The following FOXN4 variants were observed in gnomAD, a reference collection of about 807,000 sequenced individuals.
FOXN4 encodes forkhead box N4.
FOXN4 carries 12 observed loss-of-function variants against 45.0 expected under a neutral mutation model. That is an observed-to-expected ratio of 0.27 (90% CI 0.17 to 0.43). The LOEUF (loss-of-function observed/expected upper bound fraction) is 0.43. Among genes scored for constraint, FOXN4 ranks in the 20% least tolerant of loss-of-function variants. The pLI is 1.00. For missense variants in FOXN4, 560 were observed against 694.9 expected (o/e 0.81, Z 2.18); for synonymous variants, 297 against 295.0 (o/e 1.01, Z -0.07).
In FOXN4 at chr12:109,279,752, C is replaced by A; in HGVS notation, c.1473G>T (p.Pro491=). The change falls in exon 10 of 10, where the codon CCG becomes CCT. Residue 491 remains proline, a synonymous_variant. Transcript: ENST00000299162. The part of the protein sequence containing the change: ...VTGLYTAYST[P]DSVAASGTSS... ...TGGTGCCCGATGCAGCCACACTGTC[C>A]GGAGTGGAGTACGCTGTGTAGAGAC... 6.3e-7 allele frequency: 1 copy of A among 1,590,334 alleles called. No homozygotes were observed. The highest frequency in any genetic ancestry group is 1.3e-5 in the African/African-American group (1 of 74,546).
In FOXN4 at chr12:109,291,628, T is replaced by C. The variant is rs921170873; in HGVS notation, c.87-1342A>G. Reference sequence around the variant, plus strand: ...CCTCCCCATCTCTCCCCTCTTGTGTTTTAGGGCCACAATTAGCGTTGCCAT... The same window carrying C: ...CCTCCCCATCTCTCCCCTCTTGTGTCTTAGGGCCACAATTAGCGTTGCCAT... On this transcript the variant is annotated intron_variant, in intron 2 of 9. Transcript: ENST00000299162. This position sits in a 1 kb window ranked among gnomAD's most constrained non-coding sequence, Gnocchi z 6.6. Among the ~76,000 whole-genome samples the C allele has an allele frequency of 6.6e-6, 1 of 152,120 alleles. No homozygotes were observed. Among genetic ancestry groups the C allele is most frequent in the African/African-American group, 2.4e-5 (1 of 41,532 alleles).
rs546890729 is a variant in FOXN4 at position 109,280,552 on chromosome 12, T to C, written c.1295-622A>G. On this transcript the variant is annotated intron_variant, in intron 9 of 9. Coordinates refer to ENST00000299162, the MANE Select transcript of FOXN4 (RefSeq NM_213596.3). ...AAGCATTTAGTTCTCATGGTATCAT[T>C]ATGGTCAAAGCCAGGGGGACAAGAC... 2.6e-5 allele frequency among the ~76,000 whole-genome samples: 4 copies of C among 152,264 alleles called. No individual in the cohort carries two copies. In the South Asian group the frequency reaches 8.3e-4, roughly 32 times the overall value.
At chr12:109,303,654 G>A (rs537757525) in intron 2 of FOXN4, among the ~76,000 whole-genome samples, 1 of 152,304 alleles carries the variant, frequency 6.6e-6, no homozygotes, top group East Asian at 1.9e-4. Context: ...ACTGAGCCTT[G>A]TGGCCCTGGG....
rs1287544986 is a variant in FOXN4, at chr12:109,279,685, T to C, written c.1540A>G (p.Ile514Val). The change falls in exon 10 of 10, where the codon ATA becomes GTA. Residue 514 changes from isoleucine (I) to valine (V), a missense_variant. Around this residue, in one of 5 missense-constraint regions of FOXN4, gnomAD observed 315 missense variants for 350.5 expected, o/e 0.90. Coordinates refer to ENST00000299162, the MANE Select transcript of FOXN4 (RefSeq NM_213596.3). ...QYLGAQGNKP[I>V]ALL ...AGGCTGACAGCTCAAAGCAGGGCTA[T>C]AGGCTTGTTCCCCTGTGCACCCAGG... The C allele has an allele frequency of 3.8e-6, 6 of 1,574,102 alleles. No individual in the cohort carries two copies. Among genetic ancestry groups the C allele is most frequent in the Non-Finnish European group, 4.3e-6 (5 of 1,160,230 alleles).
At position 109,308,261 on chromosome 12, in the gene FOXN4, GA is replaced by G. The variant is rs2047938706; in HGVS notation, c.60del (p.His21ThrfsTer11). The G allele has an allele frequency of 6.4e-7, 1 of 1,551,894 alleles. No homozygotes were observed. Among genetic ancestry groups the G allele is most frequent in the Non-Finnish European group, 8.7e-7 (1 of 1,146,964 alleles). On this transcript the variant is annotated frameshift_variant, in exon 2 of 10. Transcript: ENST00000299162. LOFTEE classifies it high-confidence loss of function. ...MSGIIRNSGQ[N>X]HHPSPQEYRL... ...CTGTATTCCTGTGGAGAGGGGTGGT[GA>G]TTTTGCCCTGAGTTTCGAATAATTC...
chr12:109,305,613 C>T (rs2047914627), intron 2 of FOXN4, among the ~76,000 whole-genome samples: 1 of 152,070 alleles, frequency 6.6e-6, no homozygotes, highest in African/African-American at 2.4e-5. Context: ...GCCTGTAATC[C>T]CACCTATTAG....
intron 2 of FOXN4, among the ~76,000 whole-genome samples, chr12:109,303,928 C>A (rs778504845): frequency 6.6e-6 from 1 of 152,028 alleles, no homozygotes; most frequent in Non-Finnish European, 1.5e-5. Flanking sequence ...AAAAGTGGCA[C>A]GCCTGTAATC....
chr12:109,295,363 C>A (rs1169673565), intron 2 of FOXN4, among the ~76,000 whole-genome samples: 3 of 152,238 alleles, frequency 2.0e-5, no homozygotes, highest in Non-Finnish European at 4.4e-5. Context: ...TGCTCCCCAT[C>A]TGGGTGTGTC....
intron 2 of FOXN4, among the ~76,000 whole-genome samples, chr12:109,294,374 A>T (rs1415841759): frequency 6.6e-6 from 1 of 151,874 alleles, no homozygotes; most frequent in Non-Finnish European, 1.5e-5. Context: ...TCGTAGGATC[A>T]GGTGAGCCAC....
intron 8 of FOXN4, 97 bp downstream of exon 8, chr12:109,285,207 C>T: frequency 6.8e-6 from 10 of 1,480,074 alleles, no homozygotes; most frequent in Non-Finnish European, 9.2e-6. Flanking sequence ...CAGGGTTGGC[C>T]ATGCTCTGGT....
chr12:109,304,239 GAA>G (rs1365887978), intron 2 of FOXN4, among the ~76,000 whole-genome samples: 4 of 53,880 alleles, frequency 7.4e-5, no homozygotes, highest in African/African-American at 2.4e-4. Flanking sequence ...AAGAAAGAAA[GAA>G]AGAAAGAAAG....
chr12:109,294,142 T>G (rs2047795468), intron 2 of FOXN4, among the ~76,000 whole-genome samples: 3 of 152,024 alleles, frequency 2.0e-5, no homozygotes, highest in Non-Finnish European at 2.9e-5. Context: ...AACCGGCATC[T>G]CCCAGAGAGC....
intron 2 of FOXN4, among the ~76,000 whole-genome samples, chr12:109,307,952 T>C (rs2047936525): frequency 6.6e-6 from 1 of 152,134 alleles, no homozygotes; most frequent in South Asian, 2.1e-4. Flanking sequence ...GCTGCTATTG[T>C]CATCTTAACA....
In FOXN4 at chr12:109,291,917, C is replaced by A. The variant is rs914443127; in HGVS notation, c.87-1631G>T. Among the ~76,000 whole-genome samples the A allele has an allele frequency of 6.6e-6, 1 of 152,254 alleles. No individual in the cohort carries two copies. The highest frequency in any genetic ancestry group is 2.1e-4 in the South Asian group (1 of 4,824). On this transcript the variant is annotated intron_variant, in intron 2 of 9. Coordinates refer to ENST00000299162, the MANE Select transcript of FOXN4 (RefSeq NM_213596.3). This position sits in a 1 kb window ranked among gnomAD's most constrained non-coding sequence, Gnocchi z 6.6. The stretch of plus-strand genomic sequence containing the variant: ...GGTCTCAGTGCAATTGTTTCTGCAG[C>A]CCCCCGGCTGCCACCCCTCCGGCCG...
At chr12:109,303,571 C>T (rs2047886295) in intron 2 of FOXN4, among the ~76,000 whole-genome samples, 1 of 152,152 alleles carries the variant, frequency 6.6e-6, no homozygotes, top group Non-Finnish European at 1.5e-5. Flanking sequence ...CCCCTAAGGT[C>T]GCCTCATTTC....
chr12:109,294,608 T>C (rs920222), intron 2 of FOXN4, among the ~76,000 whole-genome samples: 93,694 of 152,074 alleles, frequency 0.62, 30,121 homozygotes, highest in African/African-American at 0.79. Flanking sequence ...TGGCTGTGGG[T>C]ACCAGGAGCA....
chr12:109,278,816 G>C lies in FOXN4; in HGVS notation c.*855C>G, dbSNP rs1266731286. The C allele has an allele frequency of 6.6e-6, 1 of 152,194 alleles. No individual in the cohort carries two copies. Among genetic ancestry groups the C allele is most frequent in the Non-Finnish European group, 1.5e-5 (1 of 68,062 alleles). The allele number at this position is 152,194 out of a possible 1,614,324, so 9.4% of individuals were successfully genotyped here. A position where few individuals can be genotyped will look rare whatever the true frequency, so the allele number is the denominator to read the frequency against. On this transcript the variant is annotated 3_prime_UTR_variant, in exon 10 of 10. Transcript: ENST00000299162. ...TACGGAAAAAATGGGATGTTTCACAGTATCAACAGTGCTTGCTGGTTCTAA... is the reference window on the plus strand; with the variant it reads ...TACGGAAAAAATGGGATGTTTCACACTATCAACAGTGCTTGCTGGTTCTAA...
At chr12:109,303,204 C>T (rs1160275819) in intron 2 of FOXN4, among the ~76,000 whole-genome samples, 1 of 152,104 alleles carries the variant, frequency 6.6e-6, no homozygotes, top group East Asian at 1.9e-4. Context: ...TACCTCTCTT[C>T]CTTGCCCATA....
rs1954014721 is a variant in FOXN4 at position 109,306,535 on chromosome 12, A to T, written c.86+1701T>A. Among the ~76,000 whole-genome samples, 3 of 152,178 alleles carry T rather than the reference A, an allele frequency of 2.0e-5. No homozygotes were observed. In the South Asian group the frequency reaches 6.2e-4, roughly 32 times the overall value. On this transcript the variant is annotated intron_variant, in intron 2 of 9. Transcript: ENST00000299162. ...CAGCTAGGAGGGCAGAAGTAGATTC[A>T]CCCTGGATACATTCAGTGCCTGCTG... is the stretch of plus-strand genomic sequence containing the variant.
Sources: allele counts gnomAD v4.1 joint callset (sites outside exome capture counted in the v4.1 genomes callset), GRCh38; gene constraint gnomAD v4.1.1; regional missense constraint gnomAD v4.1.1; non-coding constraint Gnocchi (gnomAD v3.1); transcripts MANE v1.5; gene names NCBI Gene and HGNC (gene_info 2026-07-23, HGNC 2026-07-21).